CAAP1: variants seen among roughly 807,000 people sequenced by gnomAD.
The protein encoded by CAAP1 is conserved anti-apoptotic protein.
In CAAP1, 20 loss-of-function variants were observed where a neutral mutation model predicts 34.0. The ratio of observed to expected loss-of-function variants is 0.59; its 90% CI spans 0.41 to 0.86. CAAP1 has a LOEUF of 0.86. Among genes scored for constraint, CAAP1 ranks in the 40% least tolerant of loss-of-function variants. The pLI is 0.00. For missense variants in CAAP1, 538 were observed against 450.5 expected (o/e 1.19, Z -1.76); for synonymous variants, 213 against 166.7 (o/e 1.28, Z -2.14).
chr9:26,857,152 T>A (rs553424585), intron 5 of CAAP1, among the ~76,000 whole-genome samples: 1 of 152,246 alleles, frequency 6.6e-6, no homozygotes, highest in African/African-American at 2.4e-5. Context: ...CACCATTATA[T>A]GAAAAGCAGC....
At chr9:26,869,146 T>G (rs1224231846) in intron 4 of CAAP1, among the ~76,000 whole-genome samples, 1 of 152,122 alleles carries the variant, frequency 6.6e-6, no homozygotes, top group Non-Finnish European at 1.5e-5. Context: ...GTTGATACAC[T>G]ATTGTTTCTA....
intron 4 of CAAP1, 108 bp downstream of exon 4, chr9:26,884,702 A>C: frequency 2.4e-6 from 2 of 846,808 alleles, no homozygotes; most frequent in Non-Finnish European, 3.9e-6. Context: ...ATACCACTGA[A>C]TGATTTTATA....
intron 4 of CAAP1, among the ~76,000 whole-genome samples, chr9:26,876,579 T>C (rs1823438164): frequency 6.6e-6 from 1 of 151,936 alleles, no homozygotes; most frequent in Non-Finnish European, 1.5e-5. Flanking sequence ...GTACCTTTTC[T>C]ATGTTTAGAT....
chr9:26,860,611 T>C (rs552350062), intron 5 of CAAP1, among the ~76,000 whole-genome samples: 1 of 152,110 alleles, frequency 6.6e-6, no homozygotes, highest in East Asian at 1.9e-4. Flanking sequence ...GCTAACACGG[T>C]GAAACCCTGT....
intron 5 of CAAP1, among the ~76,000 whole-genome samples, chr9:26,848,784 T>C (rs1190512139): frequency 6.6e-6 from 1 of 152,234 alleles, no homozygotes; most frequent in African/African-American, 2.4e-5. Flanking sequence ...TTGTTTATTT[T>C]TTCTCCTGGC....
intron 4 of CAAP1, among the ~76,000 whole-genome samples, chr9:26,868,241 AT>A (rs1823185835): frequency 6.6e-6 from 1 of 152,168 alleles, no homozygotes; most frequent in Non-Finnish European, 1.5e-5. Context: ...GTGATTAAGG[AT>A]CTTGAAATGG....
chr9:26,859,178 G>A (rs1202576906), intron 5 of CAAP1, among the ~76,000 whole-genome samples: 1 of 152,128 alleles, frequency 6.6e-6, no homozygotes, highest in East Asian at 1.9e-4. Context: ...GAACCTGAGT[G>A]TGGTTACAGG....
chr9:26,856,128 A>AGGG (rs11373747), intron 5 of CAAP1, among the ~76,000 whole-genome samples: 10 of 146,000 alleles, frequency 6.8e-5, no homozygotes, highest in African/African-American at 2.3e-4. Flanking sequence ...TTTTTTTAAA[A>AGGG]GGGGGGGGGT....
chr9:26,875,665 C>T lies in CAAP1; in HGVS notation c.665+9145G>A, dbSNP rs538357946. On this transcript the variant is annotated intron_variant, in intron 4 of 5. Transcript: ENST00000333916. ...TTCAATCAGAGTCTCATTTTATAAA[C>T]ATTTTGTATATTAAACATTCAGGCA... is the stretch of plus-strand genomic sequence containing the variant. 5.2e-4 allele frequency among the ~76,000 whole-genome samples: 79 copies of T among 152,248 alleles called. 1 individual carries two copies. The highest frequency in any genetic ancestry group is 1.8e-3 in the Admixed American group (28 of 15,290).
At chr9:26,851,565 T>C (rs528792560) in intron 5 of CAAP1, among the ~76,000 whole-genome samples, 46 of 152,338 alleles carry the variant, frequency 3.0e-4, no homozygotes, top group African/African-American at 1.0e-3. Flanking sequence ...TGGTCTTGCA[T>C]TGGGGCACAA....
rs1011245692 is a variant in CAAP1 at position 26,892,502 on chromosome 9, T to TGCCGCCGCTCCC, written c.202_213dup (p.Gly68_Gly71dup). Reference sequence around the variant, plus strand: ...TCCACGCTGCTCCCGCCCCAACAGCTGCCGCCGCTCCCACCGCCGGTGACA... The same window carrying TGCCGCCGCTCCC: ...TCCACGCTGCTCCCGCCCCAACAGCTGCCGCCGCTCCCGCCGCCGCTCCCACCGCCGGTGACA... On this transcript the variant is annotated inframe_insertion, in exon 1 of 6. Coordinates refer to ENST00000333916, the MANE Select transcript of CAAP1 (RefSeq NM_024828.4). 9 of 1,565,932 alleles carry TGCCGCCGCTCCC rather than the reference T, an allele frequency of 5.7e-6. No homozygotes were observed. In the African/African-American group the frequency reaches 8.1e-5, roughly 14 times the overall value.
At chr9:26,886,259 T>G (rs1175953443) in intron 2 of CAAP1, 71 bp from the exon 3 acceptor site, 3 of 718,448 alleles carry the variant, frequency 4.2e-6, no homozygotes, top group Non-Finnish European at 6.2e-6. Context: ...AAAATTTCAA[T>G]CATAAAAATT....
chr9:26,887,367 G>A lies in CAAP1; in HGVS notation c.450C>T (p.Cys150=), dbSNP rs766128082. The change falls in exon 2 of 6, where the codon TGC becomes TGT. Residue 150 remains cysteine (C), a synonymous_variant. Transcript: ENST00000333916. ...ACTTTTTCTCTCCTATAATACAGAA[G>A]CACTGCTGAAGCATTTCTTTTTTGT... ...ISDKKEMLQQ[C]FCIIGEKKLQ... 8.1e-6 allele frequency: 13 copies of A among 1,610,726 alleles called. No homozygotes were observed. Among genetic ancestry groups the A allele is most frequent in the Non-Finnish European group, 1.1e-5 (13 of 1,178,252 alleles).
intron 4 of CAAP1, among the ~76,000 whole-genome samples, chr9:26,865,587 A>G (rs749780856): frequency 3.0e-4 from 46 of 152,166 alleles, no homozygotes; most frequent in Non-Finnish European, 5.7e-4. Context: ...GGAGGGGGAA[A>G]TCCCCAATAC....
intron 3 of CAAP1, among the ~76,000 whole-genome samples, chr9:26,885,227 C>T (rs1383332402): frequency 6.6e-6 from 1 of 151,940 alleles, no homozygotes; most frequent in Non-Finnish European, 1.5e-5. Flanking sequence ...CAGGCGCCCG[C>T]CACCACGCCC....
intron 5 of CAAP1, among the ~76,000 whole-genome samples, chr9:26,850,377 G>C (rs890426605): frequency 6.6e-6 from 1 of 152,136 alleles, no homozygotes; most frequent in Non-Finnish European, 1.5e-5. Context: ...CGAGATCTTT[G>C]AATGAGTTAT....
At chr9:26,879,043 C>T (rs1216017037) in intron 4 of CAAP1, among the ~76,000 whole-genome samples, 1 of 152,136 alleles carries the variant, frequency 6.6e-6, no homozygotes, top group African/African-American at 2.4e-5. Context: ...CCCTGAATCT[C>T]TTCCTCTGAC....
chr9:26,883,221 C>G (rs1211635512), intron 4 of CAAP1, among the ~76,000 whole-genome samples: 1 of 152,148 alleles, frequency 6.6e-6, no homozygotes, highest in East Asian at 1.9e-4. Flanking sequence ...GCTGTGTCTC[C>G]ACCCAAATCT....
At chr9:26,865,559 G>C (rs1245426631) in intron 4 of CAAP1, among the ~76,000 whole-genome samples, 1 of 151,742 alleles carries the variant, frequency 6.6e-6, no homozygotes, top group Non-Finnish European at 1.5e-5. Context: ...CTTTAGGTTT[G>C]TGTAGCATAA....
Sources: allele counts gnomAD v4.1 joint callset (sites outside exome capture counted in the v4.1 genomes callset), GRCh38; gene constraint gnomAD v4.1.1; transcripts MANE v1.5; gene names NCBI Gene and HGNC (gene_info 2026-07-23, HGNC 2026-07-21).